Variants in GRAMD4 observed in about 807,000 individuals in gnomAD.
GRAMD4 encodes the protein GRAM domain containing 4.
Under a neutral mutation model 83.9 loss-of-function variants are expected in GRAMD4, and 25 were observed. The observed-to-expected ratio is 0.30, with a 90% CI of 0.22 to 0.42. The LOEUF (loss-of-function observed/expected upper bound fraction) is 0.42. Among genes scored for constraint, GRAMD4 ranks in the 10% least tolerant of loss-of-function variants. The pLI is 1.00. For synonymous variants in GRAMD4, 336 were observed against 320.9 expected (o/e 1.05, Z -0.50); for missense variants, 593 against 788.7 (o/e 0.75, Z 2.97).
At chr22:46,664,477 A>G (rs2082378031) in intron 8 of GRAMD4, among the ~76,000 whole-genome samples, 1 of 56,196 alleles carries the variant, frequency 1.8e-5, no homozygotes, top group Admixed American at 1.5e-4. Flanking sequence ...TGCTGGGGCC[A>G]GGAGTACCTC....
At chr22:46,658,065 G>A (rs546933261) in intron 3 of GRAMD4, 122 bp from the exon 4 acceptor site, 41 of 1,225,876 alleles carry the variant, frequency 3.3e-5, no homozygotes, top group Admixed American at 8.5e-5. Context: ...CAGGTGCTCA[G>A]GTCCGCTTAC....
intron 1 of GRAMD4, among the ~76,000 whole-genome samples, chr22:46,602,712 C>G (rs1036123745): frequency 1.3e-5 from 2 of 149,482 alleles, no homozygotes; most frequent in Non-Finnish European, 3.0e-5. Flanking sequence ...ATCATCTTTA[C>G]ATTTGTTTAA....
upstream of GRAMD4, among the ~76,000 whole-genome samples, chr22:46,617,748 T>C (rs1263074297): frequency 3.9e-5 from 6 of 152,116 alleles, no homozygotes; most frequent in African/African-American, 1.4e-4. Context: ...CCCCAGGGTG[T>C]GCTTAGCCCT....
At chr22:46,669,615 GC>G (rs1188794318) in intron 13 of GRAMD4, among the ~76,000 whole-genome samples, 1 of 145,934 alleles carries the variant, frequency 6.9e-6, no homozygotes, top group African/African-American at 2.6e-5. Flanking sequence ...TCGCTCTGTC[GC>G]CCAGGCTGGA....
intron 1 of GRAMD4, among the ~76,000 whole-genome samples, chr22:46,624,739 C>T (rs2081628778): frequency 6.6e-6 from 1 of 152,212 alleles, no homozygotes; most frequent in Non-Finnish European, 1.5e-5. Flanking sequence ...CATGCTCCCT[C>T]AGCCTATGAG....
downstream of GRAMD4, among the ~76,000 whole-genome samples, chr22:46,680,581 TCCATCCATCCATCCAC>T (rs2082657416): frequency 6.5e-5 from 1 of 15,396 alleles, no homozygotes. Flanking sequence ...CATCCATCCA[TCCATCCATCCATCCAC>T]CCACCCATTC....
rs188116425 is a variant in GRAMD4 at position 46,621,658 on chromosome 22, G to A, written c.-50+1093G>A. 1.1e-3 allele frequency among the ~76,000 whole-genome samples: 146 copies of A among 137,064 alleles called. No individual in the cohort carries two copies. The highest frequency in any genetic ancestry group is 3.7e-3 in the African/African-American group (135 of 36,224). The allele number at this position is 137,064 out of a possible 152,430, so 89.9% of individuals were successfully genotyped here. Reference sequence around the variant, plus strand: ...GGGCCCATCCCTGGCAGTGTGTCGCGGAGGGCACCCCTACCCCGGTGCAGG... The same window carrying A: ...GGGCCCATCCCTGGCAGTGTGTCGCAGAGGGCACCCCTACCCCGGTGCAGG... On this transcript the variant is annotated intron_variant, in intron 1 of 18. Coordinates refer to ENST00000406902, the MANE Select transcript of GRAMD4 (RefSeq NM_015124.5). This position sits in a 1 kb window ranked among gnomAD's most constrained non-coding sequence, Gnocchi z 5.8.
chr22:46,669,870 C>T (rs923931186), intron 13 of GRAMD4, among the ~76,000 whole-genome samples: 2 of 152,172 alleles, frequency 1.3e-5, no homozygotes, highest in African/African-American at 2.4e-5. Flanking sequence ...GGAGCCACTG[C>T]GACTGGTCTC....
intron 3 of GRAMD4, among the ~76,000 whole-genome samples, chr22:46,656,853 G>C (rs1315677419): frequency 1.3e-5 from 2 of 152,256 alleles, no homozygotes; most frequent in Non-Finnish European, 2.9e-5. Flanking sequence ...CCCATGGTCA[G>C]TGTGGTCTGT....
intron 3 of GRAMD4, among the ~76,000 whole-genome samples, chr22:46,644,697 G>GTT (rs71192437): frequency 4.9e-4 from 48 of 97,324 alleles, no homozygotes; most frequent in Non-Finnish European, 7.2e-4. Context: ...CTTGTTCCCT[G>GTT]TTTTTTTTTT....
chr22:46,667,581 G>A (rs974543316), intron 10 of GRAMD4, among the ~76,000 whole-genome samples: 3 of 152,240 alleles, frequency 2.0e-5, no homozygotes, highest in South Asian at 2.1e-4. Flanking sequence ...ACCACTGGGC[G>A]TGGGCAGAAG....
chr22:46,669,928 T>G (rs560780080), intron 13 of GRAMD4, among the ~76,000 whole-genome samples: 2 of 152,320 alleles, frequency 1.3e-5, no homozygotes, highest in African/African-American at 4.8e-5. Context: ...TCTTTCTCTT[T>G]TCCTCAATAA....
At chr22:46,618,543 G>T, upstream of GRAMD4, among the ~76,000 whole-genome samples, 1 of 152,172 alleles carries the variant, frequency 6.6e-6, no homozygotes, top group East Asian at 1.9e-4. The surrounding 1 kb of genome is among the most constrained non-coding windows in gnomAD (Gnocchi z 5.8). Context: ...TGATGAGGGT[G>T]TCGGGGGAGC....
intron 2 of GRAMD4, among the ~76,000 whole-genome samples, chr22:46,629,575 G>A (rs1010454716): frequency 6.6e-6 from 1 of 152,148 alleles, no homozygotes; most frequent in Admixed American, 6.5e-5. Flanking sequence ...TACACGGGCA[G>A]CCTCCCAGAA....
At chr22:46,624,292 T>C in intron 1 of GRAMD4, among the ~76,000 whole-genome samples, 1 of 148,820 alleles carries the variant, frequency 6.7e-6, no homozygotes, top group South Asian at 2.2e-4. Context: ...TTCTTCTCTC[T>C]AGGGATTTCA....
intron 14 of GRAMD4, 36 bp from the exon 15 acceptor site, chr22:46,673,634 A>G (rs755308154): frequency 1.1e-5 from 18 of 1,598,728 alleles, no homozygotes; most frequent in Admixed American, 1.7e-5. Context: ...AGGCGTGGGC[A>G]GCGGGCCTGA....
rs1157017835 is a variant in GRAMD4, at chr22:46,673,786, T to A, written c.1356T>A (p.Asn452Lys). 1 of 1,612,966 alleles carries A rather than the reference T, an allele frequency of 6.2e-7. No homozygotes were observed. The highest frequency in any genetic ancestry group is 8.5e-7 in the Non-Finnish European group (1 of 1,179,976). Reference sequence around the variant, plus strand: ...AGGGCAATTTCCACGAGATCTTCAATCTGACAGAAAACGAGCGTCCGCTGG... The same window carrying A: ...AGGGCAATTTCCACGAGATCTTCAAACTGACAGAAAACGAGCGTCCGCTGG... ...TKKGNFHEIF[N>K]LTENERPLAV... Residue 452 changes from asparagine (N) to lysine (K), a missense_variant, in exon 15 of 19, where the codon AAT becomes AAA. Transcript: ENST00000406902.
At chr22:46,645,044 C>T (rs1315346327) in intron 3 of GRAMD4, among the ~76,000 whole-genome samples, 1 of 151,480 alleles carries the variant, frequency 6.6e-6, no homozygotes, top group Non-Finnish European at 1.5e-5. Context: ...CTGTGCCTAG[C>T]CTTGCTTGTT....
chr22:46,623,105 C>A (rs770222521), intron 1 of GRAMD4, among the ~76,000 whole-genome samples: 12 of 152,104 alleles, frequency 7.9e-5, no homozygotes, highest in Non-Finnish European at 1.8e-4. Context: ...TCTTCACGCA[C>A]CTGTTTGCCA....
Sources: gnomAD v4.1 joint callset for allele counts (sites outside exome capture counted in the v4.1 genomes callset) on GRCh38, gnomAD v4.1.1 for gene constraint, Gnocchi (gnomAD v3.1) non-coding constraint, MANE v1.5 for transcripts, NCBI Gene and HGNC (gene_info 2026-07-23, HGNC 2026-07-21) for gene names.